Variants in PACRG observed in about 807,000 individuals in gnomAD.
The protein encoded by PACRG is parkin coregulated, also known as parkin coregulated gene protein.
Under a neutral mutation model 29.7 loss-of-function variants are expected in PACRG, and 29 were observed. The observed-to-expected ratio is 0.98, with a 90% CI of 0.73 to 1.33. The LOEUF (loss-of-function observed/expected upper bound fraction) is 1.33. Among genes scored for constraint, PACRG ranks in the 40% most tolerant of loss-of-function variants. The pLI is 0.00. For synonymous variants in PACRG, 116 were observed against 118.7 expected (o/e 0.98, Z 0.15); for missense variants, 279 against 316.2 (o/e 0.88, Z 0.89).
rs151287926 is a variant in PACRG at position 162,941,935 on chromosome 6, C to T, written c.292-120215C>T. On this transcript the variant is annotated intron_variant, in intron 2 of 4. Transcript: ENST00000366888. Reference sequence around the variant, plus strand: ...TTTGCTCTACCCAGCTGTAAAAATTCCTCCCTTTCTATAATAAATGTCCAC... The same window carrying T: ...TTTGCTCTACCCAGCTGTAAAAATTTCTCCCTTTCTATAATAAATGTCCAC... Among the ~76,000 whole-genome samples the T allele has an allele frequency of 8.3e-3, 1,260 of 152,202 alleles. 58 individuals are homozygous for T. Among genetic ancestry groups the T allele is most frequent in the Admixed American group, 0.073 (1,114 of 15,282 alleles).
intron 2 of PACRG, among the ~76,000 whole-genome samples, chr6:162,838,725 A>C (rs1789472265): frequency 7.0e-6 from 1 of 143,108 alleles, no homozygotes; most frequent in South Asian, 2.5e-4. Flanking sequence ...TATATCTCCC[A>C]ATGCTATCCC....
intron 2 of PACRG, among the ~76,000 whole-genome samples, chr6:162,933,580 G>T (rs1048980053): frequency 5.8e-4 from 76 of 130,496 alleles, no homozygotes; most frequent in African/African-American, 2.1e-3. Context: ...CATTTTATCA[G>T]TATATAATGA....
Position 163,021,567 on chromosome 6 carries a change from G to A in PACRG, c.292-40583G>A, listed in dbSNP as rs577551712. On this transcript the variant is annotated intron_variant, in intron 2 of 4. Transcript: ENST00000366888. Reference sequence around the variant, plus strand: ...TCATGGCTCCCACCGCAACCTGATCGTTCATTCTTGAAACAGATCCCATTT... The same window carrying A: ...TCATGGCTCCCACCGCAACCTGATCATTCATTCTTGAAACAGATCCCATTT... 4.6e-5 allele frequency among the ~76,000 whole-genome samples: 7 copies of A among 152,150 alleles called. No homozygotes were observed. In the South Asian group the frequency reaches 6.3e-4, roughly 14 times the overall value.
intron 4 of PACRG, among the ~76,000 whole-genome samples, chr6:163,129,480 C>T (rs796222725): frequency 9.8e-5 from 15 of 152,318 alleles, no homozygotes; most frequent in African/African-American, 2.6e-4. Context: ...TCTCACATTC[C>T]GTCAAGAGTC....
At chr6:163,075,809 T>C in intron 3 of PACRG, among the ~76,000 whole-genome samples, 1 of 152,138 alleles carries the variant, frequency 6.6e-6, no homozygotes, top group East Asian at 1.9e-4. Context: ...ATCCCAAAAA[T>C]CTTAGGGGCT....
chr6:162,881,961 T>TCG lies in PACRG; in HGVS notation c.291+67680_291+67681insCG, dbSNP rs369753081. On this transcript the variant is annotated intron_variant, in intron 2 of 4. Coordinates refer to ENST00000366888, the MANE Select transcript of PACRG (RefSeq NM_001080379.2). Reference sequence around the variant, plus strand: ...CCTCTCCACCAAGACCAGAGATGGGTGGGGGGGGGCACTCTTCCACTAAGG... The same window carrying TCG: ...CCTCTCCACCAAGACCAGAGATGGGTCGGGGGGGGGGCACTCTTCCACTAAGG... Among the ~76,000 whole-genome samples the TCG allele has an allele frequency of 1.9e-3, 116 of 59,992 alleles. 3 individuals carry two copies. In the East Asian group the frequency reaches 0.023, roughly 12 times the overall value. 39.4% of individuals were successfully genotyped at this position (59,992 alleles called of 152,430 possible). A position where few individuals can be genotyped will look rare whatever the true frequency, so the allele number is the denominator to read the frequency against.
At chr6:162,756,680 A>G (rs541981541) in intron 1 of PACRG, among the ~76,000 whole-genome samples, 53 of 152,170 alleles carry the variant, frequency 3.5e-4, no homozygotes, top group African/African-American at 1.1e-3. Context: ...TGCTATTGCC[A>G]TTTTGTAAAT....
At chr6:163,297,976 T>G (rs1364205491) in intron 4 of PACRG, among the ~76,000 whole-genome samples, 1 of 152,182 alleles carries the variant, frequency 6.6e-6, no homozygotes, top group East Asian at 1.9e-4. Flanking sequence ...ATCCCTCCAA[T>G]TCTTCGGTGC....
chr6:162,841,555 T>C (rs1376654565), intron 2 of PACRG, among the ~76,000 whole-genome samples: 2 of 152,026 alleles, frequency 1.3e-5, no homozygotes, highest in African/African-American at 2.4e-5. Flanking sequence ...AGCTCCTGGA[T>C]TCATTAATTT....
intron 4 of PACRG, among the ~76,000 whole-genome samples, chr6:163,256,347 G>A (rs373538048): frequency 7.9e-5 from 12 of 152,312 alleles, no homozygotes; most frequent in East Asian, 5.8e-4. Context: ...AGATGCAACA[G>A]TGAACAGCTT....
At chr6:163,144,584 C>T (rs932407444) in intron 4 of PACRG, among the ~76,000 whole-genome samples, 3 of 152,078 alleles carry the variant, frequency 2.0e-5, no homozygotes, top group African/African-American at 7.2e-5. Flanking sequence ...GCCTAGCCAA[C>T]ATGGTGAAAC....
intron 4 of PACRG, among the ~76,000 whole-genome samples, chr6:163,291,603 G>A (rs1784613496): frequency 6.6e-6 from 1 of 152,292 alleles, no homozygotes; most frequent in Admixed American, 6.5e-5. Flanking sequence ...TGAGTTGATA[G>A]ACACCACGGA....
chr6:163,038,815 G>A (rs2128235358), intron 2 of PACRG, among the ~76,000 whole-genome samples: 1 of 152,306 alleles, frequency 6.6e-6, no homozygotes, highest in Admixed American at 6.5e-5. Flanking sequence ...AGGGCTCTCT[G>A]AGCTGGGTGC....
intron 2 of PACRG, among the ~76,000 whole-genome samples, chr6:162,869,874 G>C (rs1328307229): frequency 1.3e-5 from 2 of 152,158 alleles, no homozygotes; most frequent in Non-Finnish European, 2.9e-5. Flanking sequence ...AATATACTAT[G>C]AGCCCTGTTG....
chr6:162,934,966 C>G (rs1450622476), intron 2 of PACRG, among the ~76,000 whole-genome samples: 1 of 152,088 alleles, frequency 6.6e-6, no homozygotes, highest in Admixed American at 6.6e-5. Flanking sequence ...ACATTCTTGG[C>G]TGATAGTTGT....
Position 163,195,369 on chromosome 6 carries a change from G to C in PACRG, c.613+105961G>C, listed in dbSNP as rs576207233. ...AAAGAGAAGTTTAACCACAGGTGCCGCCCTGACCACACTTCCAAGACTATC... is the reference window on the plus strand; with the variant it reads ...AAAGAGAAGTTTAACCACAGGTGCCCCCCTGACCACACTTCCAAGACTATC... On this transcript the variant is annotated intron_variant, in intron 4 of 4. Transcript: ENST00000366888. Among the ~76,000 whole-genome samples, 3 of 152,196 alleles carry C rather than the reference G, an allele frequency of 2.0e-5. No individual in the cohort carries two copies. The South Asian group carries it at 6.2e-4, about 32-fold the overall frequency.
chr6:163,100,372 C>T lies in PACRG; in HGVS notation c.613+10964C>T, dbSNP rs560783481. On this transcript the variant is annotated intron_variant, in intron 4 of 4. Transcript: ENST00000366888. ...TGCCCGGACTCCAGCCCTGCTGCCT[C>T]GGCCTTTCCATTCTGCACCGCAGGG... Among the ~76,000 whole-genome samples the T allele has an allele frequency of 1.6e-4, 24 of 152,330 alleles. No individual in the cohort carries two copies. In the East Asian group the frequency reaches 4.2e-3, roughly 27 times the overall value.
At chr6:163,280,497 C>G (rs1784192262) in intron 4 of PACRG, among the ~76,000 whole-genome samples, 2 of 152,172 alleles carry the variant, frequency 1.3e-5, no homozygotes, top group African/African-American at 4.8e-5. Context: ...AAGGTCTTCA[C>G]TCTAAATGAG....
intron 2 of PACRG, among the ~76,000 whole-genome samples, chr6:162,963,932 T>G (rs1800832719): frequency 6.6e-6 from 1 of 152,154 alleles, no homozygotes; most frequent in Admixed American, 6.6e-5. Context: ...AGATTGTTAT[T>G]CCCTTGGGCA....
Sources: gnomAD v4.1 joint callset for allele counts (sites outside exome capture counted in the v4.1 genomes callset) on GRCh38, gnomAD v4.1.1 for gene constraint, MANE v1.5 for transcripts, NCBI Gene and HGNC (gene_info 2026-07-23, HGNC 2026-07-21) for gene names.